Variants in CADPS2 observed in about 807,000 individuals in gnomAD.
The protein encoded by CADPS2 is calcium-dependent secretion activator 2.
Under a neutral mutation model 172.5 loss-of-function variants are expected in CADPS2, and 93 were observed. The ratio of observed to expected loss-of-function variants is 0.54; its 90% confidence interval spans 0.46 to 0.64. The LOEUF (loss-of-function observed/expected upper bound fraction) is 0.64, where lower values mean the gene tolerates loss of function less well. Ranked by LOEUF, CADPS2 falls within the 30% of genes least tolerant of loss-of-function variation. The probability of loss-of-function intolerance (pLI) is 0.00; values close to 1 mark genes in which losing one functional copy is unlikely to be tolerated. For synonymous variants in CADPS2, 546 were observed against 555.2 expected (o/e 0.98, Z 0.23); for missense variants, 1,420 against 1,565.9 (o/e 0.91, Z 1.57).
chr7:122,820,540 CTGTTTTT>C lies in CADPS2; in HGVS notation c.339+65452_339+65458del, dbSNP rs1360377216. On this transcript the variant is annotated intron_variant, in intron 1 of 29. Coordinates refer to ENST00000449022, the MANE Select transcript of CADPS2 (RefSeq NM_017954.11). ...TTTCTGTCCAAACAACTTGACCTTA[CTGTTTTT>C]TGTTTTTTGTTTTTTTTTTTTTTTT... is the stretch of plus-strand genomic sequence containing the variant. Among the ~76,000 whole-genome samples the C allele has an allele frequency of 4.4e-3, 582 of 132,970 alleles. 45 individuals carry two copies. The highest frequency in any genetic ancestry group is 9.1e-3 in the African/African-American group (299 of 32,690). The allele number at this position is 132,970 out of a possible 152,430, so 87.2% of individuals were successfully genotyped here. A position where few individuals can be genotyped will look rare whatever the true frequency, so the allele number is the denominator to read the frequency against.
At chr7:122,477,016 A>T (rs1376044700) in intron 12 of CADPS2, among the ~76,000 whole-genome samples, 1 of 104,994 alleles carries the variant, frequency 9.5e-6, no homozygotes, top group Non-Finnish European at 1.9e-5. Context: ...AGGAGAGGAG[A>T]GGAGAGGAGA....
chr7:122,405,259 A>C (rs946478306), intron 20 of CADPS2, among the ~76,000 whole-genome samples: 5 of 152,252 alleles, frequency 3.3e-5, no homozygotes, highest in African/African-American at 9.6e-5. Flanking sequence ...TAATATTAAA[A>C]ACCTGACTGT....
intron 1 of CADPS2, among the ~76,000 whole-genome samples, chr7:122,884,597 T>G (rs1298667160): frequency 6.6e-6 from 1 of 151,850 alleles, no homozygotes; most frequent in Non-Finnish European, 1.5e-5. Flanking sequence ...TAAGGAAATA[T>G]TCCATAAGGA....
At chr7:122,367,335 T>C (rs1170611174) in intron 25 of CADPS2, among the ~76,000 whole-genome samples, 1 of 151,854 alleles carries the variant, frequency 6.6e-6, no homozygotes, top group Non-Finnish European at 1.5e-5. Flanking sequence ...TATATCTGTA[T>C]CAATATAGTT....
chr7:122,480,181 C>G (rs1225559295), intron 12 of CADPS2: 1 of 464,208 alleles, frequency 2.2e-6, no homozygotes, highest in Non-Finnish European at 4.5e-6. Flanking sequence ...TTTATATATC[C>G]AGAGAGTCAA....
intron 14 of CADPS2, among the ~76,000 whole-genome samples, chr7:122,455,076 A>G (rs1187423145): frequency 6.6e-6 from 1 of 152,156 alleles, no homozygotes; most frequent in Admixed American, 6.6e-5. Context: ...ATGATGTATG[A>G]GCCCCGCTTC....
chr7:122,493,427 G>A (rs372523851), intron 9 of CADPS2, among the ~76,000 whole-genome samples: 17 of 152,260 alleles, frequency 1.1e-4, no homozygotes, highest in African/African-American at 3.4e-4. Context: ...AGTAAAAGGC[G>A]CAGGTCATTG....
intron 2 of CADPS2, among the ~76,000 whole-genome samples, chr7:122,725,315 T>C: frequency 6.6e-6 from 1 of 151,858 alleles, no homozygotes; most frequent in Non-Finnish European, 1.5e-5. Flanking sequence ...AACTCGTCCA[T>C]TTTACTGTGA....
chr7:122,883,241 C>G (rs1300315103), intron 1 of CADPS2, among the ~76,000 whole-genome samples: 2 of 152,120 alleles, frequency 1.3e-5, no homozygotes, highest in African/African-American at 4.8e-5. Context: ...CTCACCAGCT[C>G]TAATAGTGAA....
intron 28 of CADPS2, among the ~76,000 whole-genome samples, chr7:122,341,421 T>C (rs187903727): frequency 3.3e-4 from 50 of 152,280 alleles, no homozygotes; most frequent in African/African-American, 1.1e-3. Flanking sequence ...GTTTCAGAAA[T>C]CATCTGGAGT....
chr7:122,797,111 C>T (rs890215041), intron 1 of CADPS2, among the ~76,000 whole-genome samples: 1 of 151,896 alleles, frequency 6.6e-6, no homozygotes, highest in African/African-American at 2.4e-5. Flanking sequence ...AAAAGCTCAA[C>T]ATCACCTATC....
chr7:122,616,473 G>A lies in CADPS2; in HGVS notation c.1105-1174C>T, dbSNP rs112472299. 3.4e-3 allele frequency among the ~76,000 whole-genome samples: 510 copies of A among 152,182 alleles called. 5 individuals carry two copies. Among genetic ancestry groups the A allele is most frequent in the African/African-American group, 0.012 (490 of 41,552 alleles). ...GGGTCATGTTTGTAAATATGAATGT[G>A]TATTTGTTTTTTGTTAAATTTTGTT... On this transcript the variant is annotated intron_variant, in intron 5 of 29. Transcript: ENST00000449022.
At chr7:122,398,846 G>A (rs1232491615) in intron 20 of CADPS2, among the ~76,000 whole-genome samples, 4 of 131,192 alleles carry the variant, frequency 3.0e-5, no homozygotes, top group Admixed American at 1.8e-4. Flanking sequence ...GGCACATTAA[G>A]TAGGCACTCT....
At chr7:122,333,300 A>T (rs940792855) in intron 28 of CADPS2, among the ~76,000 whole-genome samples, 1 of 152,202 alleles carries the variant, frequency 6.6e-6, no homozygotes, top group Non-Finnish European at 1.5e-5. Flanking sequence ...CTTAGTCTTG[A>T]GATGAAACTC....
intron 6 of CADPS2, among the ~76,000 whole-genome samples, chr7:122,593,223 A>G (rs1354561536): frequency 1.3e-5 from 2 of 152,056 alleles, no homozygotes; most frequent in East Asian, 1.9e-4. Context: ...CTGCATGGCA[A>G]TATATAAAAG....
At chr7:122,809,405 T>TAA (rs560420249) in intron 1 of CADPS2, among the ~76,000 whole-genome samples, 3 of 120,890 alleles carry the variant, frequency 2.5e-5, no homozygotes, top group South Asian at 2.6e-4. Flanking sequence ...CCATCTCTAC[T>TAA]AAAAAAAAAA....
At chr7:122,590,040 A>G (rs1217835788) in intron 6 of CADPS2, among the ~76,000 whole-genome samples, 1 of 151,918 alleles carries the variant, frequency 6.6e-6, no homozygotes, top group Non-Finnish European at 1.5e-5. Context: ...GCACTATGCA[A>G]AATGACCAGT....
intron 1 of CADPS2, among the ~76,000 whole-genome samples, chr7:122,781,244 C>A (rs1464474111): frequency 6.6e-6 from 1 of 152,058 alleles, no homozygotes; most frequent in Admixed American, 6.6e-5. Flanking sequence ...AATATCTTTT[C>A]CTTATTTATT....
chr7:122,622,797 G>A (rs1458472845), intron 4 of CADPS2, among the ~76,000 whole-genome samples: 1 of 152,156 alleles, frequency 6.6e-6, no homozygotes, highest in Non-Finnish European at 1.5e-5. Context: ...TGCCTTTACT[G>A]TTGTCTCCCT....
Sources: allele counts gnomAD v4.1 joint callset (sites outside exome capture counted in the v4.1 genomes callset), GRCh38; gene constraint gnomAD v4.1.1; transcripts MANE v1.5; gene names NCBI Gene and HGNC (gene_info 2026-07-23, HGNC 2026-07-21).